PPFIA2: variants seen among roughly 807,000 people sequenced by gnomAD.
The protein encoded by PPFIA2 is liprin-alpha-2.
PPFIA2 carries 46 observed loss-of-function variants against 175.5 expected under a neutral mutation model. The ratio of observed to expected loss-of-function variants is 0.26; its 90% CI spans 0.21 to 0.34. The LOEUF is 0.34. Ranked by LOEUF, PPFIA2 falls within the 10% of genes least tolerant of loss-of-function variation. The pLI is 1.00. For missense variants in PPFIA2, 1,179 were observed against 1,506.1 expected, an observed-to-expected ratio of 0.78 and a Z score of 3.60; for synonymous variants, 568 against 511.4, an observed-to-expected ratio of 1.11 and a Z score of -1.49.
rs1051219677 is a variant in PPFIA2 at position 81,453,145 on chromosome 12, C to A, written c.405+4620G>T. Among the ~76,000 whole-genome samples, 26 of 107,688 alleles carry A rather than the reference C, an allele frequency of 2.4e-4. No homozygotes were observed. The South Asian group carries it at 7.0e-3, about 29-fold the overall frequency. 70.6% of individuals were successfully genotyped at this position (107,688 alleles called of 152,430 possible). A position where few individuals can be genotyped will look rare whatever the true frequency, so the allele number is the denominator to read the frequency against. The stretch of plus-strand genomic sequence containing the variant: ...TATCTCCCAGTGCTATCCCTCCCCC[C>A]TCCCCCCACCCCACCACAGTCCCCA... On this transcript the variant is annotated intron_variant, in intron 5 of 32. Coordinates refer to ENST00000549396, the MANE Select transcript of PPFIA2 (RefSeq NM_003625.5).
intron 22 of PPFIA2, among the ~76,000 whole-genome samples, chr12:81,319,270 A>C (rs2139514075): frequency 6.6e-6 from 1 of 151,884 alleles, no homozygotes; most frequent in Non-Finnish European, 1.5e-5. Context: ...AAAAGAGAAC[A>C]CTTTGGTTTT....
intron 7 of PPFIA2, among the ~76,000 whole-genome samples, chr12:81,427,051 A>T (rs1478904184): frequency 6.6e-6 from 1 of 152,132 alleles, no homozygotes; most frequent in Non-Finnish European, 1.5e-5. Flanking sequence ...GATTGAATAC[A>T]TGCTTTATTG....
chr12:81,289,922 G>A (rs918376353), intron 24 of PPFIA2, among the ~76,000 whole-genome samples: 1 of 151,724 alleles, frequency 6.6e-6, no homozygotes, highest in African/African-American at 2.4e-5. Flanking sequence ...AGTAATAGTA[G>A]CTTGGAGAAA....
chr12:81,323,207 T>C (rs922787422), intron 22 of PPFIA2, among the ~76,000 whole-genome samples: 1 of 151,336 alleles, frequency 6.6e-6, no homozygotes, highest in East Asian at 1.9e-4. Flanking sequence ...TCCTAGCAAA[T>C]TTGAAAATAA....
At chr12:81,550,781 C>A (rs79512044) in intron 4 of PPFIA2, among the ~76,000 whole-genome samples, 1 of 151,872 alleles carries the variant, frequency 6.6e-6, no homozygotes, top group East Asian at 1.9e-4. Context: ...AAGGGGAAAT[C>A]ATTTAAGGGG....
intron 3 of PPFIA2, among the ~76,000 whole-genome samples, chr12:81,728,589 G>A (rs1596929272): frequency 6.6e-6 from 1 of 151,376 alleles, no homozygotes; most frequent in East Asian, 1.9e-4. Context: ...AGTTTGTTCT[G>A]TAACTATATC....
chr12:81,535,463 A>C (rs2065240035), intron 4 of PPFIA2: 2 of 455,238 alleles, frequency 4.4e-6, no homozygotes. Context: ...CAATATCCTG[A>C]AAGGCAGAAT....
chr12:81,504,677 A>G (rs1302323715), intron 4 of PPFIA2, among the ~76,000 whole-genome samples: 1 of 152,202 alleles, frequency 6.6e-6, no homozygotes, highest in Non-Finnish European at 1.5e-5. Context: ...TCATTCTACT[A>G]TAAGGACACA....
chr12:81,712,958 G>T (rs995155191), intron 3 of PPFIA2, among the ~76,000 whole-genome samples: 1 of 151,132 alleles, frequency 6.6e-6, no homozygotes, highest in East Asian at 2.0e-4. Context: ...TAAGTTAACT[G>T]TTCTAAAGGC....
chr12:81,330,383 A>AT (rs1193408492), intron 21 of PPFIA2, among the ~76,000 whole-genome samples: 2 of 152,152 alleles, frequency 1.3e-5, no homozygotes, highest in African/African-American at 4.8e-5. Context: ...AATGTTCTTA[A>AT]TTTTTTGCCT....
intron 2 of PPFIA2, among the ~76,000 whole-genome samples, chr12:81,756,439 A>G (rs189309297): frequency 2.2e-4 from 34 of 152,210 alleles, no homozygotes; most frequent in Non-Finnish European, 5.9e-5. Context: ...TTACCATGGG[A>G]TATAAACATT....
At chr12:81,708,251 A>G (rs2077467774) in intron 3 of PPFIA2, among the ~76,000 whole-genome samples, 2 of 152,094 alleles carry the variant, frequency 1.3e-5, no homozygotes, top group Non-Finnish European at 2.9e-5. Flanking sequence ...CATTGTGTTT[A>G]TTTTTATGTT....
At chr12:81,357,742 C>G (rs2061058417) in intron 16 of PPFIA2, among the ~76,000 whole-genome samples, 1 of 152,112 alleles carries the variant, frequency 6.6e-6, no homozygotes, top group South Asian at 2.1e-4. Context: ...CTGGAAACTA[C>G]ACAAACATAG....
chr12:81,396,053 A>C (rs2142448963), intron 8 of PPFIA2, among the ~76,000 whole-genome samples: 1 of 152,204 alleles, frequency 6.6e-6, no homozygotes. Flanking sequence ...GGGTGGAAGA[A>C]AATTTTCTCC....
intron 7 of PPFIA2, among the ~76,000 whole-genome samples, chr12:81,437,811 C>T (rs965387460): frequency 2.6e-5 from 4 of 151,894 alleles, no homozygotes; most frequent in Non-Finnish European, 5.9e-5. Context: ...ACAAGTACAC[C>T]CCATCCTGAA....
chr12:81,738,481 C>T (rs2081920532), intron 3 of PPFIA2, among the ~76,000 whole-genome samples: 1 of 151,400 alleles, frequency 6.6e-6, no homozygotes, highest in Admixed American at 6.6e-5. Context: ...GGAATATTGC[C>T]TGATAAAAAT....
chr12:81,260,286 C>T (rs2034963708), intron 32 of PPFIA2: 1 of 152,132 alleles, frequency 6.6e-6, no homozygotes, highest in Admixed American at 6.5e-5. Context: ...TAAATGAATA[C>T]TGTTATCCCA....
At chr12:81,461,782 C>A (rs2054580118) in intron 4 of PPFIA2, among the ~76,000 whole-genome samples, 1 of 151,910 alleles carries the variant, frequency 6.6e-6, no homozygotes, top group Non-Finnish European at 1.5e-5. Flanking sequence ...TCACAAACTA[C>A]CTACTGTGCC....
intron 8 of PPFIA2, among the ~76,000 whole-genome samples, chr12:81,396,323 G>T (rs1003817065): frequency 1.3e-5 from 2 of 152,018 alleles, no homozygotes; most frequent in Non-Finnish European, 2.9e-5. Flanking sequence ...ATACATTACA[G>T]ACATTATAAA....
Sources: gnomAD v4.1 joint callset for allele counts (sites outside exome capture counted in the v4.1 genomes callset) on GRCh38, gnomAD v4.1.1 for gene constraint, MANE v1.5 for transcripts, NCBI Gene and HGNC (gene_info 2026-07-23, HGNC 2026-07-21) for gene names.